DNAH14: variants seen among roughly 807,000 people sequenced by gnomAD.
The protein encoded by DNAH14 is axonemal beta dynein heavy chain 14.
A neutral mutation model predicts 520.9 loss-of-function variants in DNAH14; 478 were observed. The observed-to-expected ratio is 0.92, with a 90% CI of 0.85 to 0.99. The LOEUF (loss-of-function observed/expected upper bound fraction) is 0.99. Ranked by LOEUF, DNAH14 falls within the 50% of genes least tolerant of loss-of-function variation. The pLI is 0.00. For missense variants in DNAH14, 4,831 were observed against 5,234.5 expected, an observed-to-expected ratio of 0.92 and a Z score of 2.38; for synonymous variants, 1,581 against 1,757.2, an observed-to-expected ratio of 0.90 and a Z score of 2.51.
In DNAH14 at chr1:225,006,218, C is replaced by G. The variant is rs146387903; in HGVS notation, c.976-1195C>G. Among the ~76,000 whole-genome samples the G allele has an allele frequency of 5.0e-3, 761 of 152,270 alleles. 6 individuals carry two copies. The highest frequency in any genetic ancestry group is 0.017 in the African/African-American group (718 of 41,554). On this transcript the variant is annotated intron_variant, in intron 9 of 85. Transcript: ENST00000682510. ...CTCTTAATCCTGTCATCTTCGTAAG[C>G]TGAGGATGTATGTCCCCTCAGGACC... is the stretch of plus-strand genomic sequence containing the variant.
intron 1 of DNAH14, among the ~76,000 whole-genome samples, chr1:224,939,625 A>C (rs1427166387): frequency 4.6e-5 from 7 of 152,182 alleles, no homozygotes; most frequent in African/African-American, 7.2e-5. Context: ...TGGAGCTTGC[A>C]GTGAGCCGAG....
intron 17 of DNAH14, among the ~76,000 whole-genome samples, chr1:225,072,278 G>A (rs936143339): frequency 5.9e-5 from 9 of 151,966 alleles, no homozygotes; most frequent in African/African-American, 2.2e-4. Context: ...TTTTATTTCC[G>A]AAAGGCAGTC....
chr1:225,299,938 C>T (rs1033654182), intron 55 of DNAH14, among the ~76,000 whole-genome samples: 5 of 152,216 alleles, frequency 3.3e-5, no homozygotes, highest in African/African-American at 4.8e-5. Flanking sequence ...TACCATGAAC[C>T]TATCAGTGTC....
At chr1:225,292,634 G>A (rs2093918613) in intron 55 of DNAH14, among the ~76,000 whole-genome samples, 1 of 152,034 alleles carries the variant, frequency 6.6e-6, no homozygotes. Context: ...TTTCTGTGAA[G>A]AATATCATTA....
Position 225,094,676 on chromosome 1 carries a change from AAAC to A in DNAH14, c.3574-2436_3574-2434del, listed in dbSNP as rs1381278621. ...CACAGCAAAAAAAAAAAAAAAAAAA[AAAC>A]AACAAAACAAACAAACAAAAAAACG... On this transcript the variant is annotated intron_variant, in intron 21 of 85. Transcript: ENST00000682510. Among the ~76,000 whole-genome samples the A allele has an allele frequency of 3.4e-3, 316 of 93,782 alleles. 1 individual carries two copies. Among genetic ancestry groups the A allele is most frequent in the Middle Eastern group, 5.2e-3 (1 of 192 alleles). 61.5% of individuals were successfully genotyped at this position (93,782 alleles called of 152,430 possible). A position where few individuals can be genotyped will look rare whatever the true frequency, so the allele number is the denominator to read the frequency against.
intron 75 of DNAH14, among the ~76,000 whole-genome samples, chr1:225,363,077 G>A (rs1319821965): frequency 6.6e-6 from 1 of 151,700 alleles, no homozygotes; most frequent in Non-Finnish European, 1.5e-5. Context: ...TTTCACACTT[G>A]CAGAGAAGTT....
At position 225,152,015 on chromosome 1, in the gene DNAH14, G is replaced by C. The variant is rs747996258; in HGVS notation, c.4951G>C (p.Glu1651Gln). 3.9e-6 allele frequency: 6 copies of C among 1,551,470 alleles called. No individual in the cohort carries two copies. In the African/African-American group the frequency reaches 8.2e-5, roughly 21 times the overall value. The change falls in exon 32 of 86, where the codon GAA (glutamate) becomes CAA (glutamine). Residue 1651 changes from glutamate to glutamine, a missense_variant. Physicochemically the swap from Glu to Gln is conservative, Grantham distance 29. Transcript: ENST00000682510. ...KDNYSARFVL[E>Q]GKEIRINMSC... is the part of the protein sequence containing the mutation. ...TGTAATGTCTTTTAGGTTTGTACTG[G>C]AAGGAAAAGAAATTCGTATCAATAT...
intron 37 of DNAH14, among the ~76,000 whole-genome samples, chr1:225,189,591 G>A (rs1044775273): frequency 1.3e-5 from 2 of 151,406 alleles, no homozygotes; most frequent in African/African-American, 4.8e-5. Flanking sequence ...GTTGGTTTTG[G>A]TAATTTGTGT....
At chr1:225,336,890 T>A (rs2095067784) in intron 66 of DNAH14, among the ~76,000 whole-genome samples, 1 of 152,214 alleles carries the variant, frequency 6.6e-6, no homozygotes, top group Non-Finnish European at 1.5e-5. Flanking sequence ...CGAAATAGAC[T>A]ATAGCTGTTA....
rs1038011712 is a variant in DNAH14 at position 225,165,862 on chromosome 1, G to A, written c.5446-2077G>A. 4.6e-5 allele frequency among the ~76,000 whole-genome samples: 7 copies of A among 152,216 alleles called. No individual in the cohort carries two copies. In the East Asian group the frequency reaches 5.8e-4, roughly 13 times the overall value. ...AGCCTCCCAAAGTGCTGGGGTTACA[G>A]TAGTGAGACACCGCGCATGGCCTCA... On this transcript the variant is annotated intron_variant, in intron 35 of 85. Transcript: ENST00000682510.
At chr1:225,358,402 A>G in intron 73 of DNAH14, 94 bp from the exon 74 acceptor site, 3 of 1,161,370 alleles carry the variant, frequency 2.6e-6, no homozygotes, top group Non-Finnish European at 3.5e-6. Context: ...AAGCTAAAAA[A>G]TGAATACTTC....
chr1:225,154,471 C>G (rs1297729855), intron 34 of DNAH14, among the ~76,000 whole-genome samples: 1 of 151,918 alleles, frequency 6.6e-6, no homozygotes, highest in African/African-American at 2.4e-5. Flanking sequence ...AGACATATAA[C>G]AAAGCTTCAA....
At chr1:225,348,819 G>C (rs1156663631) in intron 71 of DNAH14, among the ~76,000 whole-genome samples, 3 of 152,206 alleles carry the variant, frequency 2.0e-5, no homozygotes, top group Non-Finnish European at 4.4e-5. Flanking sequence ...TGTGGATAAA[G>C]ATAGTAACCT....
intron 66 of DNAH14, among the ~76,000 whole-genome samples, chr1:225,334,155 G>A (rs1340642494): frequency 6.6e-6 from 1 of 152,096 alleles, no homozygotes; most frequent in Non-Finnish European, 1.5e-5. Flanking sequence ...GTCTAAGATT[G>A]TAGCCAGGGG....
At chr1:225,012,999 C>G (rs977558403) in intron 10 of DNAH14, among the ~76,000 whole-genome samples, 3 of 152,138 alleles carry the variant, frequency 2.0e-5, no homozygotes, top group African/African-American at 7.2e-5. Context: ...CAGTTTTGTT[C>G]CCTTGCTGGT....
intron 36 of DNAH14, among the ~76,000 whole-genome samples, chr1:225,181,227 G>A (rs1286101666): frequency 1.6e-4 from 24 of 152,094 alleles, no homozygotes; most frequent in Admixed American, 1.6e-3. Flanking sequence ...CCAGTCCACC[G>A]TTAATGGGCA....
intron 17 of DNAH14, among the ~76,000 whole-genome samples, chr1:225,058,399 C>T (rs1373461418): frequency 4.6e-5 from 7 of 151,990 alleles, no homozygotes; most frequent in Admixed American, 2.0e-4. Context: ...TTTTTTATTG[C>T]GTCTATTTGA....
At chr1:225,247,344 G>A (rs2149682307) in intron 43 of DNAH14, among the ~76,000 whole-genome samples, 1 of 152,096 alleles carries the variant, frequency 6.6e-6, no homozygotes, top group South Asian at 2.1e-4. Context: ...GTATACTTAT[G>A]TAACAAACCT....
intron 41 of DNAH14, among the ~76,000 whole-genome samples, chr1:225,215,355 A>G (rs527479041): frequency 7.9e-5 from 12 of 152,228 alleles, no homozygotes; most frequent in African/African-American, 2.6e-4. Flanking sequence ...AATAAATGCG[A>G]TGTGGTGCTG....
Sources: allele counts gnomAD v4.1 joint callset (sites outside exome capture counted in the v4.1 genomes callset), GRCh38; gene constraint gnomAD v4.1.1; transcripts MANE v1.5; gene names NCBI Gene and HGNC (gene_info 2026-07-23, HGNC 2026-07-21).